Variants in TBC1D4 observed in about 807,000 individuals in gnomAD.
TBC1D4 encodes the protein TBC (Tre-2, BUB2, CDC16) domain-containing protein.
TBC1D4 carries 121 observed loss-of-function variants against 142.5 expected under a neutral mutation model. The ratio of observed to expected loss-of-function variants is 0.85; its 90% CI spans 0.73 to 0.99. TBC1D4 has a LOEUF of 0.99. Among genes scored for constraint, TBC1D4 ranks in the 50% least tolerant of loss-of-function variants. TBC1D4 has a pLI of 0.00. For missense variants in TBC1D4, 1,475 were observed against 1,606.6 expected, an observed-to-expected ratio of 0.92 and a Z score of 1.40; for synonymous variants, 630 against 628.2, an observed-to-expected ratio of 1.00 and a Z score of -0.04.
rs538327528 is a variant in TBC1D4, at chr13:75,308,285, T to C, written c.2593+1657A>G. Among the ~76,000 whole-genome samples the C allele has an allele frequency of 2.0e-5, 3 of 152,338 alleles. No homozygotes were observed. The South Asian group carries it at 6.2e-4, about 32-fold the overall frequency. On this transcript the variant is annotated intron_variant, in intron 14 of 20. Coordinates refer to ENST00000377636, the MANE Select transcript of TBC1D4 (RefSeq NM_014832.5). ...AACCTGTAAAATCATATAGTATAAC[T>C]GATCTCAGAATACACAGCAGCCATT... is the stretch of plus-strand genomic sequence containing the variant.
chr13:75,410,173 C>G (rs1885571548), intron 1 of TBC1D4, among the ~76,000 whole-genome samples: 1 of 152,260 alleles, frequency 6.6e-6, no homozygotes, highest in South Asian at 2.1e-4. Context: ...CCTATAATTA[C>G]TATGTTTGAT....
chr13:75,359,958 A>G lies in TBC1D4; in HGVS notation c.1081-100T>C. 3.2e-6 allele frequency: 3 copies of G among 937,736 alleles called. No individual in the cohort carries two copies. The South Asian group carries it at 4.2e-5, about 13-fold the overall frequency. The allele number at this position is 937,736 out of a possible 1,614,324, so 58.1% of individuals were successfully genotyped here. On this transcript the variant is annotated intron_variant, in intron 2 of 20. Transcript: ENST00000377636. ...CTAATAATATAGATTCAAATGCAAT[A>G]TCCCAGATATATGTATTTCATATGT...
intron 7 of TBC1D4, among the ~76,000 whole-genome samples, chr13:75,340,803 G>A (rs1183308496): frequency 6.6e-6 from 1 of 152,194 alleles, no homozygotes; most frequent in African/African-American, 2.4e-5. Context: ...AAAATTAGCC[G>A]GGTGTGGTGG....
chr13:75,345,202 T>G (rs1447181634), intron 5 of TBC1D4, among the ~76,000 whole-genome samples: 4 of 152,180 alleles, frequency 2.6e-5, no homozygotes. Flanking sequence ...TCTCAGCTGC[T>G]TCATGTGTAA....
rs181317770 is a variant in TBC1D4, at chr13:75,387,178, T to C, written c.499-24571A>G. On this transcript the variant is annotated intron_variant, in intron 1 of 20. Coordinates refer to ENST00000377636, the MANE Select transcript of TBC1D4 (RefSeq NM_014832.5). ...GTTTGTGCAAAGATTTATATTAACA[T>C]TTTTGTAATACTTGACTTAATAAAA... is the stretch of plus-strand genomic sequence containing the variant. Among the ~76,000 whole-genome samples, 336 of 152,310 alleles carry C rather than the reference T, an allele frequency of 2.2e-3. 2 individuals carry two copies. The highest frequency in any genetic ancestry group is 7.8e-3 in the African/African-American group (323 of 41,582).
At chr13:75,387,468 TC>T (rs909281037) in intron 1 of TBC1D4, among the ~76,000 whole-genome samples, 1 of 152,226 alleles carries the variant, frequency 6.6e-6, no homozygotes, top group African/African-American at 2.4e-5. Context: ...TTCAAAAGAA[TC>T]TTTTAACAAT....
chr13:75,481,868 G>C lies in TBC1D4; in HGVS notation c.-101C>G, dbSNP rs1888906700. On this transcript the variant is annotated 5_prime_UTR_variant, in exon 1 of 21. Transcript: ENST00000377636. ...CCGAAACTGTGCCAACTGCCGCACCGGGCTCCCGCGCCTGCCTGGGAGCGG... is the reference window on the plus strand; with the variant it reads ...CCGAAACTGTGCCAACTGCCGCACCCGGCTCCCGCGCCTGCCTGGGAGCGG... The C allele has an allele frequency of 4.4e-6, 6 of 1,365,250 alleles. No homozygotes were observed. Among genetic ancestry groups the C allele is most frequent in the Non-Finnish European group, 5.6e-6 (6 of 1,065,034 alleles). 84.6% of individuals were successfully genotyped at this position (1,365,250 alleles called of 1,614,324 possible). A position where few individuals can be genotyped will look rare whatever the true frequency, so the allele number is the denominator to read the frequency against.
Position 75,299,456 on chromosome 13 carries a change from C to G in TBC1D4, c.3030G>C (p.Gly1010=). The G allele has an allele frequency of 6.2e-7, 1 of 1,614,178 alleles. No homozygotes were observed. The highest frequency in any genetic ancestry group is 1.1e-5 in the South Asian group (1 of 91,080). ...GCAGGACTCCAGCCACAAAGCTGATCCCCTGACAGTATCCCACTTCTTTGT... is the reference window on the plus strand; with the variant it reads ...GCAGGACTCCAGCCACAAAGCTGATGCCCTGACAGTATCCCACTTCTTTGT... ...LLDKEVGYCQ[G]ISFVAGVLLL... The change falls in exon 17 of 21, where the codon GGG becomes GGC. Residue 1010 remains glycine (G), a synonymous_variant. Transcript: ENST00000377636.
chr13:75,398,940 C>G (rs996358843), intron 1 of TBC1D4, among the ~76,000 whole-genome samples: 7 of 152,272 alleles, frequency 4.6e-5, no homozygotes, highest in Middle Eastern at 6.8e-3. Flanking sequence ...AGAGAAGAAC[C>G]AATCTTATCT....
chr13:75,480,499 G>A (rs1031804966), intron 1 of TBC1D4, among the ~76,000 whole-genome samples: 2 of 152,120 alleles, frequency 1.3e-5, no homozygotes, highest in Non-Finnish European at 1.5e-5. Flanking sequence ...AAAGTTTACT[G>A]TTTGGTAATT....
intron 5 of TBC1D4, among the ~76,000 whole-genome samples, chr13:75,348,923 G>C (rs999593360): frequency 6.7e-6 from 1 of 150,208 alleles, no homozygotes; most frequent in Non-Finnish European, 1.5e-5. Context: ...ATGAGAGAGA[G>C]AGAGAGGAGA....
intron 1 of TBC1D4, among the ~76,000 whole-genome samples, chr13:75,462,462 G>A (rs139645359): frequency 1.3e-5 from 2 of 151,882 alleles, no homozygotes; most frequent in East Asian, 3.9e-4. Context: ...AGGTAGAAGA[G>A]TTAAAATATT....
At chr13:75,456,890 A>G (rs1220284986) in intron 1 of TBC1D4, among the ~76,000 whole-genome samples, 2 of 152,002 alleles carry the variant, frequency 1.3e-5, no homozygotes, top group African/African-American at 4.8e-5. Flanking sequence ...TTGTAACAAT[A>G]CAAAGCCCAT....
intron 4 of TBC1D4, among the ~76,000 whole-genome samples, chr13:75,350,004 G>A (rs1403780233): frequency 6.6e-6 from 1 of 152,186 alleles, no homozygotes; most frequent in African/African-American, 2.4e-5. Flanking sequence ...CAGTCAAAAA[G>A]TTTTAATCTA....
At chr13:75,373,997 G>A (rs928197899) in intron 1 of TBC1D4, among the ~76,000 whole-genome samples, 1 of 152,176 alleles carries the variant, frequency 6.6e-6, no homozygotes, top group Non-Finnish European at 1.5e-5. Flanking sequence ...CAGCATCCTG[G>A]AGAAAGAATA....
intron 1 of TBC1D4, among the ~76,000 whole-genome samples, chr13:75,403,286 T>C (rs1279807756): frequency 6.6e-6 from 1 of 152,222 alleles, no homozygotes; most frequent in African/African-American, 2.4e-5. Flanking sequence ...GAGAAAGGAT[T>C]AAGATAATTA....
chr13:75,435,267 A>G (rs919512955), intron 1 of TBC1D4, among the ~76,000 whole-genome samples: 1 of 151,468 alleles, frequency 6.6e-6, no homozygotes. Flanking sequence ...AATCGCTTGA[A>G]CAGGGAGCCA....
Position 75,481,711 on chromosome 13 carries a change from C to A in TBC1D4, c.57G>T (p.Glu19Asp). 6.3e-7 allele frequency: 1 copy of A among 1,596,280 alleles called. No homozygotes were observed. The highest frequency in any genetic ancestry group is 8.5e-7 in the Non-Finnish European group (1 of 1,173,546). ...DEPFPHPLEP[E>D]PGVSAQPGPG... ...GGCCGGGCTGAGCTGAGACGCCCGG[C>A]TCGGGCTCCAGGGGGTGCGGGAACG... The change falls in exon 1 of 21, where the codon GAG becomes GAT. Residue 19 changes from glutamate to aspartate, a missense_variant. This residue lies in a region of TBC1D4 where 1,227 missense variants were observed against 1,267.7 expected (regional missense o/e 0.97). Coordinates refer to ENST00000377636, the MANE Select transcript of TBC1D4 (RefSeq NM_014832.5).
chr13:75,424,324 G>A (rs1437290813), intron 1 of TBC1D4, among the ~76,000 whole-genome samples: 1 of 149,870 alleles, frequency 6.7e-6, no homozygotes, highest in Non-Finnish European at 1.5e-5. Context: ...AATTGTGAAT[G>A]CAGAATTGCT....
Sources: gnomAD v4.1 joint callset for allele counts (sites outside exome capture counted in the v4.1 genomes callset) on GRCh38, gnomAD v4.1.1 for gene constraint, gnomAD v4.1.1 regional missense constraint, MANE v1.5 for transcripts, NCBI Gene and HGNC (gene_info 2026-07-23, HGNC 2026-07-21) for gene names.